The following AGBL1 variants were observed in gnomAD, a reference collection of about 807,000 sequenced individuals.
AGBL1 encodes AGBL carboxypeptidase 1.
A neutral mutation model predicts 118.9 loss-of-function variants in AGBL1; 130 were observed. The ratio of observed to expected loss-of-function variants is 1.09; its 90% CI spans 0.95 to 1.26. The LOEUF (loss-of-function observed/expected upper bound fraction) is 1.26. Among genes scored for constraint, AGBL1 ranks in the 50% most tolerant of loss-of-function variants. AGBL1 has a pLI of 0.00. For synonymous variants in AGBL1, 555 were observed against 478.9 expected (o/e 1.16, Z -2.08); for missense variants, 1,584 against 1,298.1 (o/e 1.22, Z -3.38).
chr15:86,105,931 T>C (rs1384699937), intron 1 of AGBL1, among the ~76,000 whole-genome samples: 1 of 152,254 alleles, frequency 6.6e-6, no homozygotes, highest in Non-Finnish European at 1.5e-5. Context: ...GGAATTACAC[T>C]AGTATTTCTA....
chr15:86,365,325 G>T (rs1452266594), intron 17 of AGBL1, among the ~76,000 whole-genome samples: 2 of 152,068 alleles, frequency 1.3e-5, no homozygotes, highest in African/African-American at 4.8e-5. Context: ...TTTCTACAGA[G>T]AAGTTCATCT....
chr15:86,700,927 C>A (rs562872843), intron 22 of AGBL1, among the ~76,000 whole-genome samples: 2 of 152,196 alleles, frequency 1.3e-5, no homozygotes, highest in South Asian at 4.2e-4. Flanking sequence ...CAGTCAGAGT[C>A]AGCCGGATCA....
intron 3 of AGBL1, among the ~76,000 whole-genome samples, chr15:86,149,692 C>T (rs897452804): frequency 3.3e-5 from 5 of 152,046 alleles, no homozygotes; most frequent in African/African-American, 9.7e-5. Context: ...ACTTTAACAC[C>T]CCATTGTCAA....
At chr15:86,563,208 C>T (rs534856559) in intron 21 of AGBL1, among the ~76,000 whole-genome samples, 14 of 152,142 alleles carry the variant, frequency 9.2e-5, no homozygotes, top group Non-Finnish European at 1.9e-4. Context: ...TTTGCTCTTG[C>T]TTCTCTAGTT....
chr15:86,553,866 C>CTTTT (rs10708716), intron 20 of AGBL1, among the ~76,000 whole-genome samples: 9 of 148,982 alleles, frequency 6.0e-5, no homozygotes, highest in African/African-American at 2.2e-4. Context: ...TTATTTCTAA[C>CTTTT]TTTTTTTTTT....
chr15:86,573,345 C>T (rs1311196406), intron 21 of AGBL1, among the ~76,000 whole-genome samples: 1 of 152,116 alleles, frequency 6.6e-6, no homozygotes, highest in Non-Finnish European at 1.5e-5. Flanking sequence ...AGTTTATAGT[C>T]CAGCCACAAA....
At chr15:86,582,887 G>A (rs1384879740) in intron 21 of AGBL1, among the ~76,000 whole-genome samples, 1 of 151,266 alleles carries the variant, frequency 6.6e-6, no homozygotes, top group Admixed American at 6.6e-5. Context: ...GGGAGGGATA[G>A]CATTAGTAGA....
intron 18 of AGBL1, among the ~76,000 whole-genome samples, chr15:86,464,474 A>G (rs1467103077): frequency 6.6e-6 from 1 of 152,108 alleles, no homozygotes; most frequent in Non-Finnish European, 1.5e-5. Flanking sequence ...TTCCAATACT[A>G]TGTTGAATAG....
At chr15:87,028,836 C>G in exon 25 of AGBL1, 1 of 1,605,830 alleles carries the variant, frequency 6.2e-7, no homozygotes, top group East Asian at 2.2e-5. Context: ...GTTTGTGACA[C>G]TTGATGAGGC....
intron 23 of AGBL1, among the ~76,000 whole-genome samples, chr15:86,979,807 G>A (rs1418434209): frequency 6.6e-6 from 1 of 152,056 alleles, no homozygotes; most frequent in East Asian, 1.9e-4. Flanking sequence ...CCGGCCAGAG[G>A]CACTTTCTTG....
intron 22 of AGBL1, among the ~76,000 whole-genome samples, chr15:86,812,866 A>C (rs1439598370): frequency 2.0e-5 from 3 of 152,214 alleles, no homozygotes; most frequent in African/African-American, 4.8e-5. Flanking sequence ...TAAAGAAGTA[A>C]ACCTAATGTG....
intron 17 of AGBL1, among the ~76,000 whole-genome samples, chr15:86,394,743 G>A (rs1385052941): frequency 1.3e-5 from 2 of 152,104 alleles, no homozygotes; most frequent in Non-Finnish European, 2.9e-5. Flanking sequence ...TGCAAAACTG[G>A]AGGAAGAAGA....
chr15:86,850,251 A>G (rs1174872250), intron 22 of AGBL1, among the ~76,000 whole-genome samples: 1 of 151,778 alleles, frequency 6.6e-6, no homozygotes, highest in African/African-American at 2.4e-5. Flanking sequence ...TTGCTGCCTT[A>G]GGCTATGGAC....
At chr15:86,222,447 C>T (rs922315751) in intron 5 of AGBL1, among the ~76,000 whole-genome samples, 2 of 152,156 alleles carry the variant, frequency 1.3e-5, no homozygotes, top group Non-Finnish European at 2.9e-5. Context: ...TCACCCTCCG[C>T]AGCTCACCTT....
intron 17 of AGBL1, among the ~76,000 whole-genome samples, chr15:86,348,997 G>A (rs1208163496): frequency 6.6e-6 from 1 of 152,244 alleles, no homozygotes; most frequent in South Asian, 2.1e-4. Flanking sequence ...GTCCTTTTAA[G>A]ACAAGGAAAC....
At chr15:86,429,824 G>A (rs1567253947) in intron 18 of AGBL1, among the ~76,000 whole-genome samples, 2 of 152,182 alleles carry the variant, frequency 1.3e-5, no homozygotes, top group African/African-American at 4.8e-5. Flanking sequence ...GACATTAAAA[G>A]GAACCCAAGG....
chr15:86,988,055 T>C (rs2081301674), exon 24 of AGBL1: 1 of 1,613,650 alleles, frequency 6.2e-7, no homozygotes. Flanking sequence ...ATTACAAACT[T>C]TTTCAAGATG....
chr15:86,847,544 A>T (rs557506838), intron 22 of AGBL1, among the ~76,000 whole-genome samples: 1 of 152,168 alleles, frequency 6.6e-6, no homozygotes, highest in African/African-American at 2.4e-5. Context: ...TGTTTTATTC[A>T]TGGATTTTTA....
At chr15:86,599,253 A>G (rs116557794) in intron 21 of AGBL1, among the ~76,000 whole-genome samples, 4,267 of 151,820 alleles carry the variant, frequency 0.028, 155 homozygotes, top group African/African-American at 0.083. Context: ...AGAATATTCT[A>G]TAGTCATATG....
Sources: gnomAD v4.1 joint callset for allele counts (sites outside exome capture counted in the v4.1 genomes callset) on GRCh38, gnomAD v4.1.1 for gene constraint, MANE v1.5 for transcripts, NCBI Gene and HGNC (gene_info 2026-07-23, HGNC 2026-07-21) for gene names.